The following FAT1 variants were observed in gnomAD, a reference collection of about 807,000 sequenced individuals.
The protein encoded by FAT1 is FAT atypical cadherin 1.
Under a neutral mutation model 329.8 loss-of-function variants are expected in FAT1, and 171 were observed. The ratio of observed to expected loss-of-function variants is 0.52; its 90% CI spans 0.46 to 0.59. The LOEUF (loss-of-function observed/expected upper bound fraction) is 0.59. Among genes scored for constraint, FAT1 ranks in the 20% least tolerant of loss-of-function variants. The pLI is 0.00. For missense variants in FAT1, 5,672 were observed against 5,774.4 expected, an observed-to-expected ratio of 0.98 and a Z score of 0.57; for synonymous variants, 2,233 against 2,228.6, an observed-to-expected ratio of 1.00 and a Z score of -0.06.
In FAT1 at chr4:186,602,861, G is replaced by A. The variant is rs370123947; in HGVS notation, c.11482+42C>T. 36 of 1,569,058 alleles carry A rather than the reference G, an allele frequency of 2.3e-5. No individual in the cohort carries two copies. In the African/African-American group the frequency reaches 3.7e-4, roughly 16 times the overall value. ...GAAAATGGTAAGAAACAATGAAACCGATTTTTAAAAATAAAAGTATACCCA... is the reference window on the plus strand; with the variant it reads ...GAAAATGGTAAGAAACAATGAAACCAATTTTTAAAAATAAAAGTATACCCA... On this transcript the variant is annotated intron_variant, in intron 20 of 26. Coordinates refer to ENST00000441802, the MANE Select transcript of FAT1 (RefSeq NM_005245.4).
At chr4:186,589,357 TC>T in intron 26 of FAT1, 137 bp from the exon 27 acceptor site, 1 of 988,996 alleles carries the variant, frequency 1.0e-6, no homozygotes. Context: ...TGGAAATTCC[TC>T]GTCTTTGCTT....
Position 186,598,027 on chromosome 4 carries a change from C to A in FAT1, c.12202G>T (p.Val4068Phe), listed in dbSNP as rs1184542630. 2 of 1,613,776 alleles carry A rather than the reference C, an allele frequency of 1.2e-6. No individual in the cohort carries two copies. Among genetic ancestry groups the A allele is most frequent in the African/African-American group, 1.3e-5 (1 of 74,912 alleles). The change falls in exon 23 of 27, where the codon GTT (valine) becomes TTT (phenylalanine). Residue 4068 changes from valine to phenylalanine, a missense_variant. By Grantham distance (50) the Val-to-Phe change is conservative. Around this residue, in one of 2 missense-constraint regions of FAT1, gnomAD observed 1,706 missense variants for 1,859.1 expected, o/e 0.92. Coordinates refer to ENST00000441802, the MANE Select transcript of FAT1 (RefSeq NM_005245.4). ...SKPCLYGGTC[V>F]VDNGGFVCQC... Reference sequence around the variant, plus strand: ...CAAACAAAGCCTCCGTTGTCGACAACACACGTGCCCCCATAGAGGCATGGC... The same window carrying A: ...CAAACAAAGCCTCCGTTGTCGACAAAACACGTGCCCCCATAGAGGCATGGC...
chr4:186,644,960 C>T (rs1267191496), intron 3 of FAT1, among the ~76,000 whole-genome samples: 1 of 152,158 alleles, frequency 6.6e-6, no homozygotes, highest in African/African-American at 2.4e-5. Context: ...GCAAAGACTA[C>T]TTTACATGTG....
intron 3 of FAT1, among the ~76,000 whole-genome samples, chr4:186,643,730 G>A (rs1180361176): frequency 1.3e-5 from 2 of 151,824 alleles, no homozygotes; most frequent in African/African-American, 2.4e-5. Flanking sequence ...ACAATCTACC[G>A]AGTGTGTTCT....
rs11931107 is a variant in FAT1 at position 186,619,842 on chromosome 4, C to T, written c.6744G>A (p.Pro2248=). ...VIAPLDFEAH[P]AYKLSIRATD... ...TTGCGCGTATGCTCAGCTTATATGC[C>T]GGGTGGGCCTCAAAGTCCAGAGGAG... is the stretch of plus-strand genomic sequence containing the variant. Residue 2248 remains proline, a synonymous_variant, in exon 10 of 27, where the codon CCG becomes CCA. Coordinates refer to ENST00000441802, the MANE Select transcript of FAT1 (RefSeq NM_005245.4). 92,905 of 1,613,850 alleles carry T rather than the reference C, an allele frequency of 0.058. 2,856 individuals are homozygous for T. The highest frequency in any genetic ancestry group is 0.068 in the Middle Eastern group (414 of 6,062).
In FAT1 at chr4:186,663,438, T is replaced by G. The variant is rs1383300308; in HGVS notation, c.3441A>C (p.Glu1147Asp). Reference protein sequence around the residue: ...PQTSEPVYYPEIMENSPKDVS... With the variant: ...PQTSEPVYYPDIMENSPKDVS... ...CATCTTTAGGAGAATTTTCCATGAT[T>G]TCTGGGTAATAAACAGGCTCTGATG... The change falls in exon 3 of 27, where the codon GAA becomes GAC. Residue 1147 changes from glutamate (E) to aspartate (D), a missense_variant. Physicochemically the swap from Glu to Asp is conservative, Grantham distance 45 (BLOSUM62 2). Coordinates refer to ENST00000441802, the MANE Select transcript of FAT1 (RefSeq NM_005245.4). 1.2e-6 allele frequency: 2 copies of G among 1,613,890 alleles called. No individual in the cohort carries two copies. The highest frequency in any genetic ancestry group is 1.7e-6 in the Non-Finnish European group (2 of 1,179,904).
At chr4:186,600,474 C>A in intron 21 of FAT1, 114 bp from the exon 22 acceptor site, 1 of 772,094 alleles carries the variant, frequency 1.3e-6, no homozygotes, top group Non-Finnish European at 2.1e-6. Flanking sequence ...TTAGGCCTTA[C>A]ATTTAAGTAC....
At chr4:186,675,782 AAC>A (rs66981811) in intron 2 of FAT1, among the ~76,000 whole-genome samples, 35,485 of 142,814 alleles carry the variant, frequency 0.25, 4,386 homozygotes, top group South Asian at 0.34. Flanking sequence ...CCCTGTCTAA[AAC>A]ACACACACAC....
Position 186,616,996 on chromosome 4 carries a change from G to A in FAT1, c.9075+9C>T, listed in dbSNP as rs1273349024. ...CATAACACACAAATGTAAGGGAAGA[G>A]CTGCTTACCTTTTCACAAACTGGAC... On this transcript the variant is annotated intron_variant, in intron 11 of 26. Coordinates refer to ENST00000441802, the MANE Select transcript of FAT1 (RefSeq NM_005245.4). The A allele has an allele frequency of 1.9e-6, 3 of 1,606,302 alleles. No individual in the cohort carries two copies. Among genetic ancestry groups the A allele is most frequent in the Non-Finnish European group, 2.6e-6 (3 of 1,175,784 alleles).
At chr4:186,642,660 G>A (rs1229964488) in intron 3 of FAT1, among the ~76,000 whole-genome samples, 1 of 152,190 alleles carries the variant, frequency 6.6e-6, no homozygotes, top group Non-Finnish European at 1.5e-5. Flanking sequence ...GTGGCTACGT[G>A]CTGCGATGGG....
intron 26 of FAT1, among the ~76,000 whole-genome samples, chr4:186,593,901 C>T (rs766578996): frequency 9.2e-5 from 14 of 152,192 alleles, no homozygotes; most frequent in East Asian, 1.9e-4. Context: ...ACCGGGAATA[C>T]GACGCAGGAA....
chr4:186,696,539 A>G (rs1744050568), intron 2 of FAT1, among the ~76,000 whole-genome samples: 1 of 152,198 alleles, frequency 6.6e-6, no homozygotes, highest in East Asian at 1.9e-4. Context: ...GCACTGTGAT[A>G]AGAGGAACAC....
At position 186,645,417 on chromosome 4, in the gene FAT1, A is replaced by C. The variant is rs1365510633; in HGVS notation, c.3581-5634T>G. On this transcript the variant is annotated intron_variant, in intron 3 of 26. Coordinates refer to ENST00000441802, the MANE Select transcript of FAT1 (RefSeq NM_005245.4). ...TATATATATATATATATATATATAT[A>C]TATATGCCTGTAAAAAACTGAGATA... Among the ~76,000 whole-genome samples, 262 of 70,056 alleles carry C rather than the reference A, an allele frequency of 3.7e-3. 6 individuals are homozygous for C. Among genetic ancestry groups the C allele is most frequent in the African/African-American group, 0.016 (249 of 15,822 alleles). 46.0% of individuals were successfully genotyped at this position (70,056 alleles called of 152,430 possible). A position where few individuals can be genotyped will look rare whatever the true frequency, so the allele number is the denominator to read the frequency against.
chr4:186,670,440 A>C (rs1742677461), intron 2 of FAT1, among the ~76,000 whole-genome samples: 1 of 152,214 alleles, frequency 6.6e-6, no homozygotes, highest in African/African-American at 2.4e-5. Flanking sequence ...TAAACAGGGT[A>C]ACTCTTTTGA....
At chr4:186,690,106 TGTA>T (rs1427876799) in intron 2 of FAT1, among the ~76,000 whole-genome samples, 1 of 152,102 alleles carries the variant, frequency 6.6e-6, no homozygotes, top group Admixed American at 6.5e-5. Context: ...TACAGAAAAG[TGTA>T]GTAGAATTCA....
Position 186,601,446 on chromosome 4 carries a change from A to C in FAT1, c.11483-20T>G, listed in dbSNP as rs538843096. The C allele has an allele frequency of 6.3e-7, 1 of 1,593,752 alleles. No homozygotes were observed. The highest frequency in any genetic ancestry group is 1.7e-4 in the Middle Eastern group (1 of 5,984). On this transcript the variant is annotated intron_variant, in intron 20 of 26. Coordinates refer to ENST00000441802, the MANE Select transcript of FAT1 (RefSeq NM_005245.4). ...AACTCCCTGTGAATCACACAGAGGA[A>C]AAAATAAACCAGAACCAAGTTTAAG...
At chr4:186,724,024 G>A (rs2276930), upstream of FAT1, among the ~76,000 whole-genome samples, 79 of 151,688 alleles carry the variant, frequency 5.2e-4, 2 homozygotes, top group East Asian at 0.012. The surrounding 1 kb of genome is among the most constrained non-coding windows in gnomAD (Gnocchi z 5.3). Context: ...GCGAACACCA[G>A]GTCCGTGCTG....
chr4:186,639,363 A>T (rs1377999329), intron 4 of FAT1, among the ~76,000 whole-genome samples: 1 of 152,206 alleles, frequency 6.6e-6, no homozygotes, highest in African/African-American at 2.4e-5. Flanking sequence ...ACATAATAGT[A>T]AGGGGAAAAA....
At chr4:186,653,962 T>C (rs1034547342) in intron 3 of FAT1, among the ~76,000 whole-genome samples, 11 of 152,142 alleles carry the variant, frequency 7.2e-5, no homozygotes, top group African/African-American at 2.2e-4. Flanking sequence ...GATGGCACCA[T>C]AGGAATAAGA....
Sources: allele counts gnomAD v4.1 joint callset (sites outside exome capture counted in the v4.1 genomes callset), GRCh38; gene constraint gnomAD v4.1.1; regional missense constraint gnomAD v4.1.1; non-coding constraint Gnocchi (gnomAD v3.1); transcripts MANE v1.5; gene names NCBI Gene and HGNC (gene_info 2026-07-23, HGNC 2026-07-21).